ENTPD6: variants seen among roughly 807,000 people sequenced by gnomAD.
ENTPD6 encodes the protein CD39 antigen-like 2.
ENTPD6 carries 46 observed loss-of-function variants against 61.5 expected under a neutral mutation model. The ratio of observed to expected loss-of-function variants is 0.75; its 90% CI spans 0.59 to 0.96. The LOEUF (loss-of-function observed/expected upper bound fraction) is 0.96, where lower values mean the gene tolerates loss of function less well. Ranked by LOEUF, ENTPD6 falls within the 40% of genes least tolerant of loss-of-function variation. The pLI is 0.00. For missense variants in ENTPD6, 612 were observed against 629.0 expected (o/e 0.97, Z 0.29); for synonymous variants, 252 against 255.5 (o/e 0.99, Z 0.13).
In ENTPD6 at chr20:25,195,748, C is replaced by A. The variant is rs1277626193; in HGVS notation, c.-135C>A. The A allele has an allele frequency of 7.2e-6, 6 of 836,254 alleles. No individual in the cohort carries two copies. Among genetic ancestry groups the A allele is most frequent in the Non-Finnish European group, 9.7e-6 (6 of 619,914 alleles). 51.8% of individuals were successfully genotyped at this position (836,254 alleles called of 1,614,324 possible). On this transcript the variant is annotated 5_prime_UTR_variant, in exon 1 of 15. Coordinates refer to ENST00000376652, the MANE Select transcript of ENTPD6 (RefSeq NM_001247.5). Reference sequence around the variant, plus strand: ...GCCCTAGGGAATCGTGGGGTCGTATCCCGCGGGTGGAGGCCGGGGTGGCGC... The same window carrying A: ...GCCCTAGGGAATCGTGGGGTCGTATACCGCGGGTGGAGGCCGGGGTGGCGC...
Position 25,207,253 on chromosome 20 carries a change from GC to G in ENTPD6, c.236del (p.Pro79ArgfsTer52). ...TQAFFSITRA[A>X]PGARWGQQAH... ...GGCCTTCTTCAGCATCACCAGGGCA[GC>G]CCCGGGGGCCCGGTGGGGTCAGCAG... On this transcript the variant is annotated frameshift_variant, in exon 3 of 15. Coordinates refer to ENST00000376652, the MANE Select transcript of ENTPD6 (RefSeq NM_001247.5). LOFTEE classifies it high-confidence loss of function. 1 of 1,613,940 alleles carries G rather than the reference GC, an allele frequency of 6.2e-7. No individual in the cohort carries two copies.
In ENTPD6 at chr20:25,221,344, G is replaced by A. The variant is rs762048439; in HGVS notation, c.1045+11G>A. The A allele has an allele frequency of 5.0e-6, 8 of 1,607,552 alleles. No individual in the cohort carries two copies. Among genetic ancestry groups the A allele is most frequent in the Non-Finnish European group, 6.8e-6 (8 of 1,174,104 alleles). On this transcript the variant is annotated intron_variant, in intron 11 of 14. Coordinates refer to ENST00000376652, the MANE Select transcript of ENTPD6 (RefSeq NM_001247.5). ...CAGGGCAGAAAGCAGGTACGGGGAG[G>A]GTTGCTGCCTGTTGGTTTCTGCGGG...
At chr20:25,224,940 A>T in intron 13 of ENTPD6, 1 of 530,636 alleles carries the variant, frequency 1.9e-6, no homozygotes, top group Non-Finnish European at 3.3e-6. Flanking sequence ...TAGATGTAGA[A>T]ATGTGGCTTG....
At chr20:25,201,637 C>A (rs1225156863) in intron 1 of ENTPD6, among the ~76,000 whole-genome samples, 3 of 152,160 alleles carry the variant, frequency 2.0e-5, no homozygotes, top group African/African-American at 7.2e-5. Flanking sequence ...TTACTTTCAG[C>A]CCATATGTGT....
intron 13 of ENTPD6, 25 bp from the exon 14 acceptor site, chr20:25,225,180 G>C: frequency 1.2e-6 from 2 of 1,600,658 alleles, no homozygotes; most frequent in Non-Finnish European, 1.7e-6. Context: ...CACCTGGAGC[G>C]TGAAGGGACG....
intron 11 of ENTPD6, 161 bp from the exon 12 acceptor site, chr20:25,222,677 G>A (rs372505357): frequency 1.7e-5 from 15 of 885,404 alleles, no homozygotes; most frequent in Middle Eastern, 7.4e-4. Context: ...TGACCTGTGC[G>A]GGGAGCAGCC....
At chr20:25,223,023 GGGGCGGGGGTGGA>G in intron 12 of ENTPD6, 45 bp downstream of exon 12, 3 of 1,538,384 alleles carry the variant, frequency 2.0e-6, no homozygotes, top group Non-Finnish European at 1.8e-6. Context: ...GGGGCGGCAG[GGGGCGGGGGTGGA>G]GGGCGTGTGC....
At chr20:25,197,169 T>C (rs2268879) in intron 1 of ENTPD6, 576,958 of 984,928 alleles carry the variant, frequency 0.59, 170,405 homozygotes, top group East Asian at 0.93. Context: ...CTGAAGAAAC[T>C]GGCCAACAGA....
intron 10 of ENTPD6, 89 bp downstream of exon 10, chr20:25,218,703 C>A: frequency 7.4e-7 from 1 of 1,347,052 alleles, no homozygotes; most frequent in South Asian, 1.4e-5. Flanking sequence ...AGGGCACCAG[C>A]TTGGCCCTGC....
chr20:25,225,392 G>C (rs568021625), intron 14 of ENTPD6, 75 bp downstream of exon 14: 1 of 1,591,222 alleles, frequency 6.3e-7, no homozygotes, highest in African/African-American at 1.3e-5. Context: ...CAGTTGCTGG[G>C]GTCATGTCCC....
At chr20:25,205,761 C>T (rs919360364) in intron 1 of ENTPD6, among the ~76,000 whole-genome samples, 8 of 152,174 alleles carry the variant, frequency 5.3e-5, no homozygotes, top group East Asian at 1.9e-4. Flanking sequence ...CCCCTCGGCA[C>T]GGGGCACTGT....
intron 1 of ENTPD6, among the ~76,000 whole-genome samples, chr20:25,198,746 C>G (rs2090755070): frequency 6.7e-6 from 1 of 148,850 alleles, no homozygotes; most frequent in Admixed American, 6.7e-5. Context: ...TCTCTTCTCC[C>G]AGTCTCAGCT....
chr20:25,206,583 T>C lies in ENTPD6; in HGVS notation c.47T>C (p.Ile16Thr), dbSNP rs184621325. Reference sequence around the variant, plus strand: ...GAAACTTCCAGAAAAACGAGCTACATTTTTCAGGTTTGTCTGGGGCTCTCA... The same window carrying C: ...GAAACTTCCAGAAAAACGAGCTACACTTTTCAGGTTTGTCTGGGGCTCTCA... ...RYETSRKTSY[I>T]FQQPQHGPWQ... Residue 16 changes from isoleucine (I) to threonine (T), a missense_variant, in exon 2 of 15, where the codon ATT becomes ACT. Coordinates refer to ENST00000376652, the MANE Select transcript of ENTPD6 (RefSeq NM_001247.5). 289 of 1,612,540 alleles carry C rather than the reference T, an allele frequency of 1.8e-4. 1 individual carries two copies. The highest frequency in any genetic ancestry group is 2.1e-4 in the Non-Finnish European group (245 of 1,178,554).
chr20:25,221,553 G>T, intron 11 of ENTPD6: 1 of 593,930 alleles, frequency 1.7e-6, no homozygotes. Context: ...ACATTCCCCT[G>T]ACTGTCACCA....
At position 25,218,606 on chromosome 20, in the gene ENTPD6, G is replaced by A. The variant is rs1467093044; in HGVS notation, c.935G>A (p.Gly312Glu). The A allele has an allele frequency of 3.1e-6, 5 of 1,605,342 alleles. No homozygotes were observed. Among genetic ancestry groups the A allele is most frequent in the Non-Finnish European group, 4.2e-6 (5 of 1,178,138 alleles). Residue 312 changes from glycine to glutamate, a missense_variant, in exon 10 of 15, where the codon GGG (glycine) becomes GAG (glutamate). Coordinates refer to ENST00000376652, the MANE Select transcript of ENTPD6 (RefSeq NM_001247.5). ...CTGGCGATCCTGGGCGGCGTGGAGG[G>A]GCAGCCTGGTGAGTGGACATGTTGC... ...ARLAILGGVE[G>E]QPAKDGKELV...
intron 1 of ENTPD6, among the ~76,000 whole-genome samples, chr20:25,200,380 T>G (rs2090936930): frequency 6.6e-6 from 1 of 152,242 alleles, no homozygotes; most frequent in Non-Finnish European, 1.5e-5. Flanking sequence ...AGGTTGTGTT[T>G]TCATTTTGTT....
chr20:25,217,026 G>C (rs960949975), intron 8 of ENTPD6, among the ~76,000 whole-genome samples: 1 of 152,182 alleles, frequency 6.6e-6, no homozygotes, highest in African/African-American at 2.4e-5. Context: ...AGGATATGAA[G>C]TGCTGCCTCT....
At chr20:25,214,718 T>G in intron 5 of ENTPD6, 149 bp from the exon 6 acceptor site, 1 of 628,472 alleles carries the variant, frequency 1.6e-6, no homozygotes, top group Non-Finnish European at 2.9e-6. Flanking sequence ...AGTGCAGTGG[T>G]ATTTACAACT....
intron 1 of ENTPD6, among the ~76,000 whole-genome samples, chr20:25,202,836 A>G (rs1233706649): frequency 1.3e-5 from 2 of 152,226 alleles, no homozygotes; most frequent in Non-Finnish European, 2.9e-5. Context: ...ACTAGTTTCT[A>G]TATTTGTCCC....
Sources: allele counts gnomAD v4.1 joint callset (sites outside exome capture counted in the v4.1 genomes callset), GRCh38; gene constraint gnomAD v4.1.1; transcripts MANE v1.5; gene names NCBI Gene and HGNC (gene_info 2026-07-23, HGNC 2026-07-21).